The following SHC3 variants were observed in gnomAD, a reference collection of about 807,000 sequenced individuals.
SHC3 encodes the protein SHC adaptor protein 3.
In SHC3, 15 loss-of-function variants were observed where a neutral mutation model predicts 60.4. The observed-to-expected ratio is 0.25, with a 90% CI of 0.17 to 0.38. The LOEUF (loss-of-function observed/expected upper bound fraction) is 0.38. Among genes scored for constraint, SHC3 ranks in the 10% least tolerant of loss-of-function variants. The pLI is 1.00. For synonymous variants in SHC3, 294 were observed against 325.9 expected (o/e 0.90, Z 1.05); for missense variants, 677 against 786.1 (o/e 0.86, Z 1.66).
At chr9:89,108,578 T>A (rs2118102360) in intron 2 of SHC3, among the ~76,000 whole-genome samples, 1 of 152,078 alleles carries the variant, frequency 6.6e-6, no homozygotes, top group South Asian at 2.1e-4. Context: ...CATACACACC[T>A]ATCCCTGATG....
chr9:89,087,504 G>A (rs1193225179), intron 2 of SHC3, among the ~76,000 whole-genome samples: 1 of 152,184 alleles, frequency 6.6e-6, no homozygotes, highest in African/African-American at 2.4e-5. Flanking sequence ...CCACCACAGA[G>A]CCCAGGCAAT....
At chr9:89,163,606 A>T (rs1334103177) in intron 1 of SHC3, among the ~76,000 whole-genome samples, 1 of 58,626 alleles carries the variant, frequency 1.7e-5, no homozygotes, top group Non-Finnish European at 3.1e-5. Flanking sequence ...GGGTGGGGGG[A>T]GGGGGGAGGG....
At position 89,014,024 on chromosome 9, in the gene SHC3, G is replaced by T. The variant is rs762793312; in HGVS notation, c.1657-449C>A. On this transcript the variant is annotated intron_variant, in intron 11 of 11. Transcript: ENST00000375835. The stretch of plus-strand genomic sequence containing the variant: ...CCCAGAATTAGTGTCTTCCACCTGA[G>T]CCTGGCCCTACCTCAATGCCAGCAC... Among the ~76,000 whole-genome samples, 291 of 152,246 alleles carry T rather than the reference G, an allele frequency of 1.9e-3. 1 individual carries two copies. Among genetic ancestry groups the T allele is most frequent in the Middle Eastern group, 0.014 (4 of 294 alleles).
intron 1 of SHC3, among the ~76,000 whole-genome samples, chr9:89,131,805 C>A (rs1048550125): frequency 3.3e-5 from 5 of 152,148 alleles, no homozygotes; most frequent in Non-Finnish European, 7.4e-5. Context: ...CAATATCATA[C>A]TGAATAGGCA....
chr9:89,051,300 C>T (rs1156939732), intron 7 of SHC3, among the ~76,000 whole-genome samples: 1 of 152,164 alleles, frequency 6.6e-6, no homozygotes. Context: ...TACTGAATGA[C>T]CAATATGCCC....
intron 1 of SHC3, among the ~76,000 whole-genome samples, chr9:89,155,490 C>G (rs891985702): frequency 2.0e-5 from 3 of 152,130 alleles, no homozygotes; most frequent in African/African-American, 7.2e-5. Context: ...CGAGTGTCAC[C>G]CAGACCTCAC....
At chr9:89,034,757 A>C (rs78957135) in intron 11 of SHC3, among the ~76,000 whole-genome samples, 2,689 of 152,208 alleles carry the variant, frequency 0.018, 30 homozygotes, top group South Asian at 0.029. Context: ...AAATTTTAAA[A>C]CTCTATCAAA....
chr9:89,047,146 G>T, intron 7 of SHC3, 152 bp from the exon 8 acceptor site: 1 of 597,686 alleles, frequency 1.7e-6, no homozygotes, highest in Non-Finnish European at 2.6e-6. Context: ...AAAAGCAGAT[G>T]AGTGGTTTAG....
At chr9:89,014,647 T>C (rs1391089359) in intron 11 of SHC3, among the ~76,000 whole-genome samples, 2 of 152,166 alleles carry the variant, frequency 1.3e-5, no homozygotes, top group East Asian at 3.9e-4. Context: ...CTGCAGGGAC[T>C]CCTGAGGCAA....
chr9:89,037,296 A>C, intron 11 of SHC3: 1 of 568,556 alleles, frequency 1.8e-6, no homozygotes, highest in Admixed American at 3.4e-5. Context: ...AAATAACTCT[A>C]CCCTGCTTTG....
In SHC3 at chr9:89,037,850, T is replaced by A. The variant is rs537294201; in HGVS notation, c.1656+143A>T. Reference sequence around the variant, plus strand: ...GGCTCTGGCCTGATGACAGGAGTTGTCTGTCCCTGCGTTCCCCTGGAGGAC... The same window carrying A: ...GGCTCTGGCCTGATGACAGGAGTTGACTGTCCCTGCGTTCCCCTGGAGGAC... On this transcript the variant is annotated intron_variant, in intron 11 of 11. Coordinates refer to ENST00000375835, the MANE Select transcript of SHC3 (RefSeq NM_016848.6). 4 of 1,080,536 alleles carry A rather than the reference T, an allele frequency of 3.7e-6. No homozygotes were observed. In the Admixed American group the frequency reaches 1.1e-4, roughly 30 times the overall value. The allele number at this position is 1,080,536 out of a possible 1,614,324, so 66.9% of individuals were successfully genotyped here. A position where few individuals can be genotyped will look rare whatever the true frequency, so the allele number is the denominator to read the frequency against.
At chr9:89,148,399 T>C (rs1284140836) in intron 1 of SHC3, among the ~76,000 whole-genome samples, 1 of 152,222 alleles carries the variant, frequency 6.6e-6, no homozygotes, top group African/African-American at 2.4e-5. Flanking sequence ...GACTCTGTAA[T>C]TATTTCAAAA....
intron 6 of SHC3, among the ~76,000 whole-genome samples, chr9:89,055,488 C>T (rs978680954): frequency 6.6e-6 from 1 of 152,234 alleles, no homozygotes; most frequent in Non-Finnish European, 1.5e-5. Flanking sequence ...CTTGCTTACT[C>T]ATTTCTGGGC....
At chr9:89,100,450 G>T (rs1405602328) in intron 2 of SHC3, among the ~76,000 whole-genome samples, 2 of 152,082 alleles carry the variant, frequency 1.3e-5, no homozygotes, top group Non-Finnish European at 2.9e-5. Context: ...TGTTGCGCAG[G>T]TTGGTCTCAA....
rs1825951271 is a variant in SHC3, at chr9:89,007,160, A to G, written c.*6287T>C. 6.6e-6 allele frequency: 1 copy of G among 152,244 alleles called. No homozygotes were observed. Among genetic ancestry groups the G allele is most frequent in the Non-Finnish European group, 1.5e-5 (1 of 68,050 alleles). 9.4% of individuals were successfully genotyped at this position (152,244 alleles called of 1,614,324 possible). A position where few individuals can be genotyped will look rare whatever the true frequency, so the allele number is the denominator to read the frequency against. On this transcript the variant is annotated 3_prime_UTR_variant, in exon 12 of 12. Coordinates refer to ENST00000375835, the MANE Select transcript of SHC3 (RefSeq NM_016848.6). ...CATCTGTGACAGCCAGGAGGAGGAA[A>G]GAAGGGAGGCTGGGATCACCTCCCG...
At chr9:89,144,076 A>G (rs1291411408) in intron 1 of SHC3, among the ~76,000 whole-genome samples, 13 of 152,186 alleles carry the variant, frequency 8.5e-5, no homozygotes, top group Admixed American at 7.9e-4. Context: ...AAGAAAGAGA[A>G]AGTATAGCTT....
At chr9:89,042,938 G>C (rs564903832) in intron 9 of SHC3, among the ~76,000 whole-genome samples, 8 of 152,166 alleles carry the variant, frequency 5.3e-5, no homozygotes, top group Admixed American at 1.3e-4. Flanking sequence ...CTGTCACCCA[G>C]ACCCTGGGTG....
rs138458547 is a variant in SHC3, at chr9:89,058,368, G to A, written c.836-6205C>T. On this transcript the variant is annotated intron_variant, in intron 6 of 11. Transcript: ENST00000375835. ...GAGGATGGTGGCGTAGGACGTGGTG[G>A]AGGATGGTGGCATAGGATGTGGTGG... 1.8e-3 allele frequency among the ~76,000 whole-genome samples: 274 copies of A among 150,816 alleles called. 2 individuals are homozygous for A. Among genetic ancestry groups the A allele is most frequent in the African/African-American group, 6.3e-3 (258 of 41,068 alleles).
chr9:89,054,514 C>A (rs1824917052), intron 6 of SHC3, among the ~76,000 whole-genome samples: 1 of 152,230 alleles, frequency 6.6e-6, no homozygotes, highest in Non-Finnish European at 1.5e-5. Context: ...AGTATTGACA[C>A]TTAGCCAAAA....
Sources: allele counts gnomAD v4.1 joint callset (sites outside exome capture counted in the v4.1 genomes callset), GRCh38; gene constraint gnomAD v4.1.1; transcripts MANE v1.5; gene names NCBI Gene and HGNC (gene_info 2026-07-23, HGNC 2026-07-21).